Variants in AQP12B observed in about 807,000 individuals in gnomAD.
AQP12B encodes the protein putative aquaporin-12B.
In AQP12B, 8 loss-of-function variants were observed where a neutral mutation model predicts 11.5. That is an observed-to-expected ratio of 0.70 (90% confidence interval 0.41 to 1.26). The LOEUF (loss-of-function observed/expected upper bound fraction) is 1.26, where lower values mean the gene tolerates loss of function less well. AQP12B is among the 50% of genes most tolerant of loss of function. The probability of loss-of-function intolerance (pLI) is 0.01; values close to 1 mark genes in which losing one functional copy is unlikely to be tolerated. For synonymous variants in AQP12B, 123 were observed against 158.0 expected (o/e 0.78, Z 1.66); for missense variants, 247 against 322.0 (o/e 0.77, Z 1.78).
At position 240,681,377 on chromosome 2, in the gene AQP12B, C is replaced by G. The variant is rs567041860; in HGVS notation, c.607+854G>C. Among the ~76,000 whole-genome samples, 34 of 50,706 alleles carry G rather than the reference C, an allele frequency of 6.7e-4. 13 individuals are homozygous for G. Among genetic ancestry groups the G allele is most frequent in the Middle Eastern group, 0.021 (1 of 48 alleles). 33.3% of individuals were successfully genotyped at this position (50,706 alleles called of 152,430 possible). A position where few individuals can be genotyped will look rare whatever the true frequency, so the allele number is the denominator to read the frequency against. On this transcript the variant is annotated intron_variant, in intron 1 of 2. Transcript: ENST00000407834. Reference sequence around the variant, plus strand: ...CTCACCCGTGCCTCAGTTTCCCCAACTGTACGGGGCTCTGGTGGCACCTTC... The same window carrying G: ...CTCACCCGTGCCTCAGTTTCCCCAAGTGTACGGGGCTCTGGTGGCACCTTC...
In AQP12B at chr2:240,682,540, C is replaced by A. The variant is rs375175608; in HGVS notation, c.298G>T (p.Glu100Ter). The change falls in exon 1 of 3, where the codon GAG (glutamate) becomes TAG (stop). Residue 100 changes from glutamate to a stop codon, truncating the protein, a stop_gained. Coordinates refer to ENST00000407834, the MANE Select transcript of AQP12B (RefSeq NM_001102467.2). LOFTEE classifies it high-confidence loss of function. Reference protein sequence around the residue: ...ASANPTVSLQEFLMAEESLPG... With the variant: ...ASANPTVSLQ ...AGAGACTCCTCGGCCATGAGGAACT[C>A]CTGCAGGGACACGGTGGGGTTGGCC... is the stretch of plus-strand genomic sequence containing the variant. The A allele has an allele frequency of 1.8e-5, 29 of 1,613,050 alleles. No homozygotes were observed. Among genetic ancestry groups the A allele is most frequent in the Non-Finnish European group, 2.3e-5 (27 of 1,179,808 alleles).
rs201173715 is a variant in AQP12B at position 240,682,670 on chromosome 2, C to G, written c.168G>C (p.Thr56=). The G allele has an allele frequency of 2.5e-6, 4 of 1,613,558 alleles. No individual in the cohort carries two copies. Among genetic ancestry groups the G allele is most frequent in the Non-Finnish European group, 3.4e-6 (4 of 1,179,840 alleles). ...CAGCCCAGGGCCCGAGCTCGACCAG[C>G]GTCCTCATCTCCAGGAAGCAGGCCC... The part of the protein sequence containing the change: ...QLGACFLEMR[T]LVELGPWAGD... The change falls in exon 1 of 3, where the codon ACG becomes ACC. Residue 56 remains threonine, a synonymous_variant. Transcript: ENST00000407834.
rs756588812 is a variant in AQP12B at position 240,682,495 on chromosome 2, G to C, written c.343C>G (p.Leu115Val). ...EESLPGTLLK[L>V]AAQGLGMQAA... Reference sequence around the variant, plus strand: ...TGCATGCCCAGCCCCTGTGCCGCCAGCTTCAGCAGCGTGCCAGGCAGAGAC... The same window carrying C: ...TGCATGCCCAGCCCCTGTGCCGCCACCTTCAGCAGCGTGCCAGGCAGAGAC... Residue 115 changes from leucine (L) to valine (V), a missense_variant, in exon 1 of 3, where the codon CTG becomes GTG. Physicochemically the swap from Leu to Val is conservative, Grantham distance 32 (BLOSUM62 1). Around this residue, in one of 4 missense-constraint regions of AQP12B, gnomAD observed 206 missense variants for 173.2 expected, o/e 1.19. Transcript: ENST00000407834. 3 of 1,612,034 alleles carry C rather than the reference G, an allele frequency of 1.9e-6. No homozygotes were observed. The highest frequency in any genetic ancestry group is 1.9e-4 in the Middle Eastern group (1 of 5,284).
At chr2:240,681,116 C>T (rs1205762150) in intron 1 of AQP12B, among the ~76,000 whole-genome samples, 378 of 59,988 alleles carry the variant, frequency 6.3e-3, no homozygotes, top group Non-Finnish European at 0.011. Context: ...TACCGGGGAC[C>T]TGCCTCTGGG....
At chr2:240,680,861 A>G (rs1177409121) in intron 1 of AQP12B, among the ~76,000 whole-genome samples, 1 of 51,326 alleles carries the variant, frequency 1.9e-5, no homozygotes, top group Non-Finnish European at 3.7e-5. Context: ...AGACAAAAAG[A>G]CACAGAGAGA....
chr2:240,683,668 C>A (rs1330451674), upstream of AQP12B, among the ~76,000 whole-genome samples: 1 of 144,108 alleles, frequency 6.9e-6, no homozygotes, highest in Non-Finnish European at 1.5e-5. Context: ...CTGGGTGAGA[C>A]CCTCCTCCAC....
chr2:240,683,655 G>A (rs1372198580), upstream of AQP12B, among the ~76,000 whole-genome samples: 2 of 144,586 alleles, frequency 1.4e-5, no homozygotes, highest in Non-Finnish European at 3.1e-5. Flanking sequence ...CCTGGGGTCT[G>A]GTCTGGGTGA....
upstream of AQP12B, among the ~76,000 whole-genome samples, chr2:240,683,784 C>T (rs1293201565): frequency 3.4e-5 from 5 of 147,416 alleles, no homozygotes; most frequent in East Asian, 2.0e-4. Context: ...CTCAGGACCA[C>T]GCCTCACATC....
rs1173421536 is a variant in AQP12B at position 240,676,442 on chromosome 2, TGG to T, written c.*101_*102del. On this transcript the variant is annotated 3_prime_UTR_variant, in exon 3 of 3. Coordinates refer to ENST00000407834, the MANE Select transcript of AQP12B (RefSeq NM_001102467.2). ...GTCTTAGAAATGGTTTATTGACAAATGGCTTCTGGGGAGGGGGCCAGGATTCC... is the reference window on the plus strand; with the variant it reads ...GTCTTAGAAATGGTTTATTGACAAATCTTCTGGGGAGGGGGCCAGGATTCC... 95 of 540,946 alleles carry T rather than the reference TGG, an allele frequency of 1.8e-4. No homozygotes were observed. Among genetic ancestry groups the T allele is most frequent in the African/African-American group, 1.4e-3 (74 of 51,112 alleles). The allele number at this position is 540,946 out of a possible 1,614,324, so 33.5% of individuals were successfully genotyped here.
In AQP12B at chr2:240,682,307, G is replaced by C; in HGVS notation, c.531C>G (p.Leu177=). 2.0e-6 allele frequency: 3 copies of C among 1,512,286 alleles called. No homozygotes were observed. The highest frequency in any genetic ancestry group is 2.7e-6 in the Non-Finnish European group (3 of 1,113,834). 93.7% of individuals were successfully genotyped at this position (1,512,286 alleles called of 1,614,324 possible). A position where few individuals can be genotyped will look rare whatever the true frequency, so the allele number is the denominator to read the frequency against. The change falls in exon 1 of 3, where the codon CTC becomes CTG. Residue 177 remains leucine, a synonymous_variant. Coordinates refer to ENST00000407834, the MANE Select transcript of AQP12B (RefSeq NM_001102467.2). ...CGGGAGGACTGTGCCGCAGGTGCAG[G>C]AGGGTCAGATGGAAACAAAAGGCGC... The part of the protein sequence containing the change: ...AACAFCFHLT[L]LHLRHSPPAY...
upstream of AQP12B, chr2:240,683,051 A>G: frequency 2.8e-6 from 2 of 706,432 alleles, no homozygotes; most frequent in South Asian, 1.9e-5. Context: ...ACAGCCTGGC[A>G]TCATCCCGTC....
rs769213334 is a variant in AQP12B at position 240,682,726 on chromosome 2, C to G, written c.112G>C (p.Ala38Pro). ...LLPVGAYEVF[A>P]REAVGAVQLG... Reference sequence around the variant, plus strand: ...TGCACCGCGCCCACCGCCTCCCGGGCGAAGACTTCATAGGCGCCCACTGGG... The same window carrying G: ...TGCACCGCGCCCACCGCCTCCCGGGGGAAGACTTCATAGGCGCCCACTGGG... Residue 38 changes from alanine (A) to proline (P), a missense_variant, in exon 1 of 3, where the codon GCC becomes CCC. Coordinates refer to ENST00000407834, the MANE Select transcript of AQP12B (RefSeq NM_001102467.2). 4.6e-5 allele frequency: 74 copies of G among 1,613,344 alleles called. No individual in the cohort carries two copies. Among genetic ancestry groups the G allele is most frequent in the Non-Finnish European group, 5.7e-5 (67 of 1,179,774 alleles).
At position 240,682,506 on chromosome 2, in the gene AQP12B, G is replaced by A. The variant is rs372043580; in HGVS notation, c.332C>T (p.Thr111Met). The A allele has an allele frequency of 2.7e-5, 44 of 1,612,388 alleles. No homozygotes were observed. Among genetic ancestry groups the A allele is most frequent in the Middle Eastern group, 1.9e-4 (1 of 5,404 alleles). ...FLMAEESLPG[T>M]LLKLAAQGLG... ...CCCCTGTGCCGCCAGCTTCAGCAGCGTGCCAGGCAGAGACTCCTCGGCCAT... is the reference window on the plus strand; with the variant it reads ...CCCCTGTGCCGCCAGCTTCAGCAGCATGCCAGGCAGAGACTCCTCGGCCAT... Residue 111 changes from threonine to methionine, a missense_variant, in exon 1 of 3, where the codon ACG (threonine) becomes ATG (methionine). Thr to Met is a moderately conservative substitution (Grantham distance 81, BLOSUM62 -1). Coordinates refer to ENST00000407834, the MANE Select transcript of AQP12B (RefSeq NM_001102467.2).
chr2:240,682,945 C>G, upstream of AQP12B: 1 of 1,416,262 alleles, frequency 7.1e-7, no homozygotes, highest in Non-Finnish European at 9.6e-7. Flanking sequence ...GAGAGGGCAC[C>G]TGGGCCTCTG....
Position 240,682,573 on chromosome 2 carries a change from C to A in AQP12B, c.265G>T (p.Gly89Trp). 1 of 1,613,372 alleles carries A rather than the reference C, an allele frequency of 6.2e-7. No homozygotes were observed. The highest frequency in any genetic ancestry group is 8.5e-7 in the Non-Finnish European group (1 of 1,179,852). The change falls in exon 1 of 3, where the codon GGG becomes TGG. Residue 89 changes from glycine (G) to tryptophan (W), a missense_variant. This residue lies in a region of AQP12B where 206 missense variants were observed against 173.2 expected (regional missense o/e 1.19). Transcript: ENST00000407834. Reference protein sequence around the residue: ...LFLAHGVTLDGASANPTVSLQ... With the variant: ...LFLAHGVTLDWASANPTVSLQ... ...GACACGGTGGGGTTGGCCGAGGCCCCGTCCAAGGTGACCCCGTGCGCCAGG... is the reference window on the plus strand; with the variant it reads ...GACACGGTGGGGTTGGCCGAGGCCCAGTCCAAGGTGACCCCGTGCGCCAGG...
Position 240,682,757 on chromosome 2 carries a change from G to C in AQP12B, c.81C>G (p.Ala27=). 6.2e-7 allele frequency: 1 copy of C among 1,612,092 alleles called. No individual in the cohort carries two copies. Among genetic ancestry groups the C allele is most frequent in the Non-Finnish European group, 8.5e-7 (1 of 1,179,378 alleles). The change falls in exon 1 of 3, where the codon GCC becomes GCG. Residue 27 remains alanine, a synonymous_variant. Transcript: ENST00000407834. ...CTTCATAGGCGCCCACTGGGAGCAG[G>C]GCCTTGGAGGCCCGCCTGGCTGCCT... ...LCEAARRASK[A]LLPVGAYEVF... is the part of the protein sequence containing the mutation.
At position 240,682,354 on chromosome 2, in the gene AQP12B, C is replaced by G; in HGVS notation, c.484G>C (p.Gly162Arg). The change falls in exon 1 of 3, where the codon GGG (glycine) becomes CGG (arginine). Residue 162 changes from glycine (G) to arginine (R), a missense_variant. Around this residue, in one of 4 missense-constraint regions of AQP12B, gnomAD observed 26 missense variants for 48.3 expected, o/e 0.54. Coordinates refer to ENST00000407834, the MANE Select transcript of AQP12B (RefSeq NM_001102467.2). The part of the protein sequence containing the change: ...SSALRTSVPH[G>R]ALVEAACAFC... ...GCGCAGGCGGCCTCCACAAGCGCCCCGTGGGGCACGGATGTGCGCAGGGCC... is the reference window on the plus strand; with the variant it reads ...GCGCAGGCGGCCTCCACAAGCGCCCGGTGGGGCACGGATGTGCGCAGGGCC... The G allele has an allele frequency of 1.3e-6, 2 of 1,522,974 alleles. No individual in the cohort carries two copies. The highest frequency in any genetic ancestry group is 1.4e-5 in the African/African-American group (1 of 71,052). 94.3% of individuals were successfully genotyped at this position (1,522,974 alleles called of 1,614,324 possible). A position where few individuals can be genotyped will look rare whatever the true frequency, so the allele number is the denominator to read the frequency against.
In AQP12B at chr2:240,682,809, A is replaced by G; in HGVS notation, c.29T>C (p.Phe10Ser). 6.2e-7 allele frequency: 1 copy of G among 1,603,414 alleles called. No homozygotes were observed. The highest frequency in any genetic ancestry group is 2.3e-5 in the East Asian group (1 of 44,076). The change falls in exon 1 of 3, where the codon TTC (phenylalanine) becomes TCC (serine). Residue 10 changes from phenylalanine to serine, a missense_variant. Coordinates refer to ENST00000407834, the MANE Select transcript of AQP12B (RefSeq NM_001102467.2). ...ACAGAGGGTGAAGGTGGCAAAGAAG[A>G]AGGAGAGGGACACGTTAAGACCTGC... MAGLNVSLS[F>S]FFATFTLCEA...
chr2:240,682,704 A>G lies in AQP12B; in HGVS notation c.134T>C (p.Val45Ala). ...EVFAREAVGA[V>A]QLGACFLEMR... ...CTCCAGGAAGCAGGCCCCGAGCTGC[A>G]CCGCGCCCACCGCCTCCCGGGCGAA... The change falls in exon 1 of 3, where the codon GTG becomes GCG. Residue 45 changes from valine to alanine, a missense_variant. Val to Ala is a moderately conservative substitution (Grantham distance 64, BLOSUM62 0). Around this residue, in one of 4 missense-constraint regions of AQP12B, gnomAD observed 206 missense variants for 173.2 expected, o/e 1.19. Coordinates refer to ENST00000407834, the MANE Select transcript of AQP12B (RefSeq NM_001102467.2). The G allele has an allele frequency of 1.9e-6, 3 of 1,613,344 alleles. No homozygotes were observed. The highest frequency in any genetic ancestry group is 2.5e-6 in the Non-Finnish European group (3 of 1,179,788).
Sources: allele counts gnomAD v4.1 joint callset (sites outside exome capture counted in the v4.1 genomes callset), GRCh38; gene constraint gnomAD v4.1.1; regional missense constraint gnomAD v4.1.1; transcripts MANE v1.5; gene names NCBI Gene and HGNC (gene_info 2026-07-23, HGNC 2026-07-21).